The following GRIN3A variants were observed in gnomAD, a reference collection of about 807,000 sequenced individuals.
The protein encoded by GRIN3A is glutamate ionotropic receptor NMDA type subunit 3A.
Under a neutral mutation model 92.4 loss-of-function variants are expected in GRIN3A, and 47 were observed. The observed-to-expected ratio is 0.51, with a 90% CI of 0.40 to 0.65. GRIN3A has a LOEUF of 0.65. Ranked by LOEUF, GRIN3A falls within the 30% of genes least tolerant of loss-of-function variation. GRIN3A has a pLI of 0.00. For synonymous variants in GRIN3A, 527 were observed against 540.6 expected (o/e 0.97, Z 0.35); for missense variants, 1,324 against 1,393.1 (o/e 0.95, Z 0.79).
In GRIN3A at chr9:101,570,714, G is replaced by A. The variant is rs1443015572; in HGVS notation, c.*2460C>T. 6.6e-6 allele frequency: 1 copy of A among 152,632 alleles called. No individual in the cohort carries two copies. The highest frequency in any genetic ancestry group is 2.4e-5 in the African/African-American group (1 of 41,446). 9.5% of individuals were successfully genotyped at this position (152,632 alleles called of 1,614,324 possible). On this transcript the variant is annotated 3_prime_UTR_variant, in exon 9 of 9. Transcript: ENST00000361820. ...GTGGATAGGCAGGGCGATCTGGCATGTGATCACCACTGCTCAGAATGCCTC... is the reference window on the plus strand; with the variant it reads ...GTGGATAGGCAGGGCGATCTGGCATATGATCACCACTGCTCAGAATGCCTC...
intron 3 of GRIN3A, among the ~76,000 whole-genome samples, chr9:101,663,417 T>C (rs1222755503): frequency 6.6e-6 from 1 of 151,880 alleles, no homozygotes; most frequent in African/African-American, 2.4e-5. Flanking sequence ...CGCATGGTGC[T>C]TGGGCTAGAA....
rs139758690 is a variant in GRIN3A at position 101,670,171 on chromosome 9, G to A, written c.2241C>T (p.Asn747=). 31 of 1,613,818 alleles carry A rather than the reference G, an allele frequency of 1.9e-5. No individual in the cohort carries two copies. Among genetic ancestry groups the A allele is most frequent in the Admixed American group, 6.7e-5 (4 of 59,972 alleles). Residue 747 remains asparagine, a synonymous_variant, in exon 3 of 9, where the codon AAC becomes AAT. Coordinates refer to ENST00000361820, the MANE Select transcript of GRIN3A (RefSeq NM_133445.3). ...PKCWTGRFLM[N]LWAIFCMFCL... is the part of the protein sequence containing the mutation. ...AAAACATACAGAAAATGGCCCAAAGGTTCATTAGAAACCTTCCAGTCCAAC... is the reference window on the plus strand; with the variant it reads ...AAAACATACAGAAAATGGCCCAAAGATTCATTAGAAACCTTCCAGTCCAAC...
At chr9:101,724,808 T>C (rs1166626890) in intron 1 of GRIN3A, among the ~76,000 whole-genome samples, 2 of 152,234 alleles carry the variant, frequency 1.3e-5, no homozygotes, top group East Asian at 1.9e-4. Context: ...TCCCCAGCCA[T>C]GTAGAACTGT....
intron 1 of GRIN3A, among the ~76,000 whole-genome samples, chr9:101,717,098 T>G (rs181549568): frequency 6.6e-6 from 1 of 152,330 alleles, no homozygotes; most frequent in East Asian, 1.9e-4. Flanking sequence ...TCATTGATTC[T>G]CAAACTGTAC....
rs1245261337 is a variant in GRIN3A at position 101,670,484 on chromosome 9, T to C, written c.1928A>G (p.Asp643Gly). Reference protein sequence around the residue: ...SINTARSQVIDFTSPFFSTSL... With the variant: ...SINTARSQVIGFTSPFFSTSL... Reference sequence around the variant, plus strand: ...GGTGGAGAAGAAAGGGCTGGTGAAATCTATCACCTGGCTCCGTGCAGTATT... The same window carrying C: ...GGTGGAGAAGAAAGGGCTGGTGAAACCTATCACCTGGCTCCGTGCAGTATT... The change falls in exon 3 of 9, where the codon GAT becomes GGT. Residue 643 changes from aspartate (D) to glycine (G), a missense_variant. By Grantham distance (94) the Asp-to-Gly change is moderately conservative (BLOSUM62 -1). Coordinates refer to ENST00000361820, the MANE Select transcript of GRIN3A (RefSeq NM_133445.3). 1.2e-6 allele frequency: 2 copies of C among 1,613,840 alleles called. No homozygotes were observed. Among genetic ancestry groups the C allele is most frequent in the Non-Finnish European group, 1.7e-6 (2 of 1,179,974 alleles).
intron 3 of GRIN3A, among the ~76,000 whole-genome samples, chr9:101,638,240 A>G (rs1467759083): frequency 1.3e-5 from 2 of 152,222 alleles, no homozygotes; most frequent in South Asian, 2.1e-4. Context: ...CTACTTTTAG[A>G]TACTATGGAG....
chr9:101,619,493 C>A (rs1300096971), intron 5 of GRIN3A, among the ~76,000 whole-genome samples: 1 of 152,124 alleles, frequency 6.6e-6, no homozygotes, highest in African/African-American at 2.4e-5. Context: ...CAAACAAGTT[C>A]CTACAGTACA....
intron 6 of GRIN3A, among the ~76,000 whole-genome samples, chr9:101,582,842 A>G (rs1320684866): frequency 6.6e-6 from 1 of 152,198 alleles, no homozygotes; most frequent in Non-Finnish European, 1.5e-5. Flanking sequence ...CTTTATGGAC[A>G]TGACTCCCTC....
intron 3 of GRIN3A, among the ~76,000 whole-genome samples, chr9:101,629,751 C>T (rs940939576): frequency 2.0e-5 from 3 of 152,150 alleles, no homozygotes; most frequent in African/African-American, 7.2e-5. Flanking sequence ...GTGCTGAATC[C>T]TCATAATAGC....
intron 6 of GRIN3A, among the ~76,000 whole-genome samples, chr9:101,597,931 T>C (rs1467830606): frequency 1.3e-5 from 2 of 152,142 alleles, no homozygotes; most frequent in East Asian, 1.9e-4. Flanking sequence ...CTATAGAACA[T>C]AGTGTTTTGA....
intron 2 of GRIN3A, among the ~76,000 whole-genome samples, chr9:101,680,119 G>A (rs1030924450): frequency 6.6e-6 from 1 of 152,100 alleles, no homozygotes; most frequent in African/African-American, 2.4e-5. Flanking sequence ...TTTGAGACAG[G>A]TATCCTTATA....
intron 2 of GRIN3A, among the ~76,000 whole-genome samples, chr9:101,680,674 A>C (rs1829456250): frequency 6.6e-6 from 1 of 152,198 alleles, no homozygotes; most frequent in Admixed American, 6.5e-5. Flanking sequence ...TTAGATGAGC[A>C]TGTCTTCTCC....
At chr9:101,602,098 A>G (rs1404171863) in intron 6 of GRIN3A, among the ~76,000 whole-genome samples, 1 of 151,980 alleles carries the variant, frequency 6.6e-6, no homozygotes, top group East Asian at 1.9e-4. Context: ...AGCCACCTAT[A>G]CTGTGTGAGA....
chr9:101,628,488 A>G, intron 3 of GRIN3A, 87 bp from the exon 4 acceptor site: 8 of 1,388,176 alleles, frequency 5.8e-6, no homozygotes, highest in Non-Finnish European at 8.0e-6. Flanking sequence ...TTGAAACTTA[A>G]TAATAATTCG....
At chr9:101,714,417 T>C (rs1829919804) in intron 1 of GRIN3A, among the ~76,000 whole-genome samples, 1 of 152,146 alleles carries the variant, frequency 6.6e-6, no homozygotes, top group African/African-American at 2.4e-5. Context: ...GAAGACAAAA[T>C]TAAGAAAATC....
At chr9:101,665,254 C>A (rs1200047177) in intron 3 of GRIN3A, among the ~76,000 whole-genome samples, 3 of 151,826 alleles carry the variant, frequency 2.0e-5, no homozygotes, top group Non-Finnish European at 4.4e-5. Flanking sequence ...TTCCTTGGAG[C>A]ACATTTCTCA....
chr9:101,623,821 G>A (rs1036026062), intron 4 of GRIN3A, among the ~76,000 whole-genome samples: 5 of 152,216 alleles, frequency 3.3e-5, no homozygotes, highest in East Asian at 3.8e-4. Flanking sequence ...TTATCACTCA[G>A]AATGACTGTG....
At chr9:101,624,372 C>T in intron 4 of GRIN3A, among the ~76,000 whole-genome samples, 1 of 112,428 alleles carries the variant, frequency 8.9e-6, no homozygotes, top group African/African-American at 3.3e-5. Context: ...TATCCTTCCC[C>T]CCTCCCCCCA....
chr9:101,717,747 A>G (rs1829965112), intron 1 of GRIN3A, among the ~76,000 whole-genome samples: 1 of 152,214 alleles, frequency 6.6e-6, no homozygotes, highest in Non-Finnish European at 1.5e-5. Context: ...AATTCGCAGA[A>G]GAGGTGAATG....
Sources: gnomAD v4.1 joint callset for allele counts (sites outside exome capture counted in the v4.1 genomes callset) on GRCh38, gnomAD v4.1.1 for gene constraint, MANE v1.5 for transcripts, NCBI Gene and HGNC (gene_info 2026-07-23, HGNC 2026-07-21) for gene names.